The following ARHGEF17 variants were observed in gnomAD, a reference collection of about 807,000 sequenced individuals.
The protein encoded by ARHGEF17 is Rho guanine nucleotide exchange factor 17.
ARHGEF17 carries 80 observed loss-of-function variants against 174.0 expected under a neutral mutation model. The ratio of observed to expected loss-of-function variants is 0.46; its 90% CI spans 0.38 to 0.55. The LOEUF is 0.55. ARHGEF17 is among the 20% of genes least tolerant of loss of function. The pLI is 0.00. For missense variants in ARHGEF17, 2,886 were observed against 2,839.7 expected (o/e 1.02, Z -0.37); for synonymous variants, 1,311 against 1,189.1 (o/e 1.10, Z -2.11).
intron 1 of ARHGEF17, among the ~76,000 whole-genome samples, chr11:73,340,310 C>T (rs1291617553): frequency 5.3e-5 from 8 of 152,336 alleles, no homozygotes; most frequent in African/African-American, 9.6e-5. Context: ...CACCAAGTCC[C>T]GCCCCCTTCT....
Position 73,352,892 on chromosome 11 carries a change from C to T in ARHGEF17, c.3333C>T (p.Asp1111=), listed in dbSNP as rs755716149. ...TGCTCTGTGACCCTTCACTGGTGGA[C>T]GAGATCTTCGACCAGATCCCCGAGC... The part of the protein sequence containing the change: ...NSVLCDPSLV[D]EIFDQIPELL... The change falls in exon 3 of 21, where the codon GAC becomes GAT. Residue 1111 remains aspartate, a synonymous_variant. Coordinates refer to ENST00000263674, the MANE Select transcript of ARHGEF17 (RefSeq NM_014786.4). The T allele has an allele frequency of 1.7e-5, 28 of 1,613,980 alleles. No individual in the cohort carries two copies. The highest frequency in any genetic ancestry group is 2.7e-5 in the African/African-American group (2 of 74,908).
At chr11:73,353,236 CCG>C in intron 3 of ARHGEF17, 1 of 600,108 alleles carries the variant, frequency 1.7e-6, no homozygotes, top group Admixed American at 3.0e-5. Flanking sequence ...GGCACGGACT[CCG>C]ACCCCAGCCA....
intron 1 of ARHGEF17, among the ~76,000 whole-genome samples, chr11:73,342,575 G>T (rs1865387118): frequency 6.6e-6 from 1 of 152,142 alleles, no homozygotes; most frequent in Non-Finnish European, 1.5e-5. Flanking sequence ...GTGCATACGG[G>T]TCCAGGCCTG....
At chr11:73,356,481 T>C in intron 6 of ARHGEF17, 130 bp downstream of exon 6, 1 of 1,266,830 alleles carries the variant, frequency 7.9e-7, no homozygotes, top group Non-Finnish European at 1.1e-6. Context: ...TGTGTTTGCA[T>C]CCATGTCTGC....
intron 1 of ARHGEF17, among the ~76,000 whole-genome samples, chr11:73,340,979 T>TC (rs1056048899): frequency 1.3e-5 from 2 of 152,192 alleles, no homozygotes; most frequent in Non-Finnish European, 2.9e-5. Context: ...GGTCTGCCTC[T>TC]CAGTCAGTAA....
At chr11:73,326,506 G>A (rs1865104560) in intron 1 of ARHGEF17, among the ~76,000 whole-genome samples, 1 of 152,184 alleles carries the variant, frequency 6.6e-6, no homozygotes, top group Admixed American at 6.5e-5. Flanking sequence ...GATCACCTGA[G>A]GTCAGGAGTT....
intron 1 of ARHGEF17, among the ~76,000 whole-genome samples, chr11:73,341,442 G>A (rs1366365760): frequency 1.3e-5 from 2 of 152,028 alleles, no homozygotes; most frequent in African/African-American, 4.8e-5. Context: ...GAGTAGCTGG[G>A]ATTACAGGCA....
At chr11:73,342,564 T>G (rs1865386805) in intron 1 of ARHGEF17, among the ~76,000 whole-genome samples, 1 of 152,074 alleles carries the variant, frequency 6.6e-6, no homozygotes, top group Admixed American at 6.5e-5. Context: ...CTGACCCCCT[T>G]GTGCATACGG....
chr11:73,355,682 A>G (rs780641104), intron 4 of ARHGEF17, 33 bp downstream of exon 4: 2 of 1,600,846 alleles, frequency 1.2e-6, no homozygotes, highest in East Asian at 4.5e-5. Flanking sequence ...GATGGAGGTG[A>G]CCCTCACCTT....
chr11:73,360,442 C>G lies in ARHGEF17; in HGVS notation c.4329C>G (p.Pro1443=). 1 of 1,614,054 alleles carries G rather than the reference C, an allele frequency of 6.2e-7. No individual in the cohort carries two copies. The highest frequency in any genetic ancestry group is 1.1e-5 in the South Asian group (1 of 91,086). ...PTKLELCATR[P]EGTDSYIFEF... ...AGCTGGAGCTGTGCGCCACTCGGCC[C>G]GAGGGCACCGACTCCTACATTTTTG... Residue 1443 remains proline, a synonymous_variant, in exon 11 of 21, where the codon CCC becomes CCG. Transcript: ENST00000263674.
chr11:73,349,348 C>T (rs1274240346), intron 2 of ARHGEF17, among the ~76,000 whole-genome samples: 1 of 152,222 alleles, frequency 6.6e-6, no homozygotes, highest in Non-Finnish European at 1.5e-5. Flanking sequence ...GGCGCGGAGG[C>T]TCACACCTCT....
At chr11:73,334,315 G>T (rs1039080814) in intron 1 of ARHGEF17, among the ~76,000 whole-genome samples, 2 of 152,170 alleles carry the variant, frequency 1.3e-5, no homozygotes, top group Non-Finnish European at 2.9e-5. Context: ...GTTAGATGGC[G>T]TTTAAACAGG....
intron 1 of ARHGEF17, among the ~76,000 whole-genome samples, chr11:73,346,212 G>A (rs527356238): frequency 1.8e-4 from 28 of 152,256 alleles, no homozygotes; most frequent in African/African-American, 6.5e-4. Flanking sequence ...CTCACAGGGT[G>A]GCCAGGATTA....
At chr11:73,351,671 T>G (rs1865556669) in intron 2 of ARHGEF17, among the ~76,000 whole-genome samples, 2 of 152,050 alleles carry the variant, frequency 1.3e-5, no homozygotes, top group African/African-American at 4.8e-5. Flanking sequence ...CACCTCCACC[T>G]CCCAGGTTCA....
At chr11:73,356,815 C>T in intron 7 of ARHGEF17, 56 bp downstream of exon 7, 1 of 1,610,314 alleles carries the variant, frequency 6.2e-7, no homozygotes, top group Non-Finnish European at 8.5e-7. Flanking sequence ...TTTGTCCTCT[C>T]TTCTGCTCAC....
chr11:73,352,135 C>T (rs905590861), intron 2 of ARHGEF17, among the ~76,000 whole-genome samples: 11 of 151,988 alleles, frequency 7.2e-5, no homozygotes, highest in East Asian at 2.0e-4. Context: ...CCAGCCTGGC[C>T]GACATAGTGA....
At chr11:73,343,009 C>T in intron 1 of ARHGEF17, 1 of 247,418 alleles carries the variant, frequency 4.0e-6, no homozygotes. Context: ...CCGCGACCGC[C>T]ACTGCGGCTG....
rs1865752676 is a variant in ARHGEF17, at chr11:73,362,221, T to C, written c.4676T>C (p.Leu1559Pro). ...RILCIGAVPG[L>P]QPRCHREPPP... ...CTCTGCATCGGGGCGGTGCCCGGGC[T>C]GCAGCCTCGCTGCCACCGGTGAGGC... Residue 1559 changes from leucine (L) to proline (P), a missense_variant, in exon 13 of 21, where the codon CTG (leucine) becomes CCG (proline). By Grantham distance (98) the Leu-to-Pro change is moderately conservative (BLOSUM62 -3). Coordinates refer to ENST00000263674, the MANE Select transcript of ARHGEF17 (RefSeq NM_014786.4). The C allele has an allele frequency of 1.3e-6, 2 of 1,543,242 alleles. No homozygotes were observed. Among genetic ancestry groups the C allele is most frequent in the Non-Finnish European group, 1.7e-6 (2 of 1,149,184 alleles).
At position 73,310,788 on chromosome 11, in the gene ARHGEF17, C is replaced by T. The variant is rs554558080; in HGVS notation, c.2150C>T (p.Ser717Phe). 1 of 1,612,318 alleles carries T rather than the reference C, an allele frequency of 6.2e-7. No homozygotes were observed. Among genetic ancestry groups the T allele is most frequent in the South Asian group, 1.1e-5 (1 of 91,050 alleles). ...CGACGCAAAGTCCCACCTTCAGGTT[C>T]TGGTGGGAGCGAATTGAGCAATGGG... ...RRRRKVPPSG[S>F]GGSELSNGEA... Residue 717 changes from serine to phenylalanine, a missense_variant, in exon 1 of 21, where the codon TCT becomes TTT. Ser to Phe is a radical substitution (Grantham distance 155). Coordinates refer to ENST00000263674, the MANE Select transcript of ARHGEF17 (RefSeq NM_014786.4).
Sources: allele counts gnomAD v4.1 joint callset (sites outside exome capture counted in the v4.1 genomes callset), GRCh38; gene constraint gnomAD v4.1.1; transcripts MANE v1.5; gene names NCBI Gene and HGNC (gene_info 2026-07-23, HGNC 2026-07-21).